Variants in ARSB observed in about 807,000 individuals in gnomAD.
ARSB encodes the protein arylsulfatase B.
In ARSB, 41 loss-of-function variants were observed where a neutral mutation model predicts 50.9. The observed-to-expected ratio is 0.81, with a 90% CI of 0.63 to 1.04. The LOEUF (loss-of-function observed/expected upper bound fraction) is 1.04. Among genes scored for constraint, ARSB ranks in the 50% least tolerant of loss-of-function variants. The pLI is 0.00. For synonymous variants in ARSB, 269 were observed against 284.8 expected (o/e 0.94, Z 0.56); for missense variants, 672 against 693.3 (o/e 0.97, Z 0.35).
chr5:78,851,642 T>C (rs1009043862), intron 5 of ARSB, among the ~76,000 whole-genome samples: 8 of 152,114 alleles, frequency 5.3e-5, no homozygotes, highest in African/African-American at 1.9e-4. Flanking sequence ...ATTGATCTGT[T>C]TAATGTTGAT....
chr5:78,792,411 C>G (rs535374751), intron 6 of ARSB, among the ~76,000 whole-genome samples: 1 of 151,990 alleles, frequency 6.6e-6, no homozygotes, highest in African/African-American at 2.4e-5. Context: ...GCATTCAAGG[C>G]CATCCTGGGC....
chr5:78,854,747 T>C (rs553375102), intron 5 of ARSB, among the ~76,000 whole-genome samples: 20 of 152,352 alleles, frequency 1.3e-4, no homozygotes, highest in Admixed American at 1.1e-3. Flanking sequence ...CCCTTGACTG[T>C]TTCTTGTAAA....
chr5:78,835,552 A>C (rs561796293), intron 6 of ARSB, among the ~76,000 whole-genome samples: 157 of 152,334 alleles, frequency 1.0e-3, no homozygotes, highest in Non-Finnish European at 2.0e-3. Flanking sequence ...GGTGGCCAGG[A>C]TATAGTAATA....
intron 6 of ARSB, among the ~76,000 whole-genome samples, chr5:78,790,158 G>A (rs1253390980): frequency 1.3e-5 from 2 of 152,128 alleles, no homozygotes; most frequent in African/African-American, 4.8e-5. Flanking sequence ...TAATGAGGAT[G>A]GAGGAAAGGG....
intron 6 of ARSB, among the ~76,000 whole-genome samples, chr5:78,819,667 G>C (rs191104798): frequency 4.6e-5 from 7 of 152,354 alleles, no homozygotes; most frequent in Admixed American, 4.6e-4. Flanking sequence ...CCAGGGCTGG[G>C]ACCTTCCACA....
At chr5:78,860,901 T>C (rs970836547) in intron 5 of ARSB, among the ~76,000 whole-genome samples, 2 of 151,980 alleles carry the variant, frequency 1.3e-5, no homozygotes, top group African/African-American at 4.8e-5. Flanking sequence ...AAGAATCAAA[T>C]AGACACAATA....
At chr5:78,928,535 C>T (rs950010321) in intron 4 of ARSB, among the ~76,000 whole-genome samples, 10 of 152,134 alleles carry the variant, frequency 6.6e-5, no homozygotes, top group Middle Eastern at 3.4e-3. Context: ...AGGCTGGTCT[C>T]GAACTGCTGA....
At chr5:78,933,043 T>G (rs2112396985) in intron 4 of ARSB, among the ~76,000 whole-genome samples, 1 of 152,340 alleles carries the variant, frequency 6.6e-6, no homozygotes, top group South Asian at 2.1e-4. Context: ...GCAAGTGGGT[T>G]GGATAGCTAG....
intron 5 of ARSB, among the ~76,000 whole-genome samples, chr5:78,855,127 G>A (rs1476811162): frequency 6.6e-6 from 1 of 152,186 alleles, no homozygotes; most frequent in Non-Finnish European, 1.5e-5. Flanking sequence ...TCTCAGCTCA[G>A]CCACTGCTCT....
chr5:78,955,222 T>C (rs1005512928), intron 4 of ARSB, 73 bp downstream of exon 4: 1 of 1,480,122 alleles, frequency 6.8e-7, no homozygotes, highest in African/African-American at 1.4e-5. Context: ...CGCTCCAATT[T>C]GTCTTCATTC....
At chr5:78,897,862 A>AT (rs1392850431) in intron 4 of ARSB, among the ~76,000 whole-genome samples, 2 of 152,138 alleles carry the variant, frequency 1.3e-5, no homozygotes, top group South Asian at 4.1e-4. Context: ...ATTTTTAAAT[A>AT]TTTTTTTCTA....
At chr5:78,867,282 G>A (rs1746816636) in intron 5 of ARSB, among the ~76,000 whole-genome samples, 1 of 152,114 alleles carries the variant, frequency 6.6e-6, no homozygotes, top group Non-Finnish European at 1.5e-5. Flanking sequence ...GGTAAACAAA[G>A]CAGCCGGGAA....
rs141214078 is a variant in ARSB at position 78,924,369 on chromosome 5, C to T, written c.898+30926G>A. ...CTGTACAATTACAGAGCCTCTATTC[C>T]GATTTAATCATTGTGCTACACAGTC... On this transcript the variant is annotated intron_variant, in intron 4 of 7. Coordinates refer to ENST00000264914, the MANE Select transcript of ARSB (RefSeq NM_000046.5). Among the ~76,000 whole-genome samples, 112 of 152,262 alleles carry T rather than the reference C, an allele frequency of 7.4e-4. 1 individual carries two copies. The highest frequency in any genetic ancestry group is 6.0e-3 in the East Asian group (31 of 5,184).
chr5:78,973,003 C>T (rs1429752606), intron 1 of ARSB, among the ~76,000 whole-genome samples: 3 of 152,184 alleles, frequency 2.0e-5, no homozygotes, highest in African/African-American at 4.8e-5. Context: ...TCTGTTCAAA[C>T]ACTATCTGAA....
chr5:78,873,786 C>T (rs1055763146), intron 5 of ARSB, among the ~76,000 whole-genome samples: 4 of 152,114 alleles, frequency 2.6e-5, no homozygotes, highest in African/African-American at 9.7e-5. Flanking sequence ...TGAGCCACCG[C>T]ACCCGGCCTA....
chr5:78,967,912 T>C lies in ARSB; in HGVS notation c.499+1094A>G, dbSNP rs1752272223. Among the ~76,000 whole-genome samples the C allele has an allele frequency of 2.0e-5, 3 of 152,220 alleles. No homozygotes were observed. In the South Asian group the frequency reaches 6.2e-4, roughly 32 times the overall value. ...GTAGGTAGCTAAATAGCTAAACAGA[T>C]AGCTCACTATAAAAAGAACTTGAAA... On this transcript the variant is annotated intron_variant, in intron 2 of 7. Transcript: ENST00000264914.
At chr5:78,919,380 A>T (rs1471167871) in intron 4 of ARSB, among the ~76,000 whole-genome samples, 1 of 152,212 alleles carries the variant, frequency 6.6e-6, no homozygotes, top group East Asian at 1.9e-4. Context: ...TTCATGTATG[A>T]TCCAAATACC....
intron 6 of ARSB, among the ~76,000 whole-genome samples, chr5:78,786,897 A>G (rs746248335): frequency 1.3e-5 from 2 of 150,934 alleles, no homozygotes; most frequent in Non-Finnish European, 3.0e-5. Context: ...ATGAGCCACC[A>G]TACCCACCCA....
At chr5:78,819,081 G>A (rs1172547362) in intron 6 of ARSB, among the ~76,000 whole-genome samples, 1 of 152,174 alleles carries the variant, frequency 6.6e-6, no homozygotes, top group East Asian at 1.9e-4. Context: ...TTTGCTGTTA[G>A]GTTTCAGGTA....
Sources: allele counts gnomAD v4.1 joint callset (sites outside exome capture counted in the v4.1 genomes callset), GRCh38; gene constraint gnomAD v4.1.1; transcripts MANE v1.5; gene names NCBI Gene and HGNC (gene_info 2026-07-23, HGNC 2026-07-21).